Variants in MTTP observed in about 807,000 individuals in gnomAD.
The protein encoded by MTTP is microsomal triglyceride transfer protein, also known as microsomal triglyceride transfer protein large subunit.
In MTTP, 49 loss-of-function variants were observed where a neutral mutation model predicts 90.6. That is an observed-to-expected ratio of 0.54 (90% confidence interval 0.43 to 0.69). MTTP has a LOEUF of 0.69. Among genes scored for constraint, MTTP ranks in the 30% least tolerant of loss-of-function variants. The pLI is 0.00. For synonymous variants in MTTP, 347 were observed against 384.2 expected (o/e 0.90, Z 1.13); for missense variants, 945 against 1,067.5 (o/e 0.89, Z 1.60).
At chr4:99,568,860 A>G (rs1170959242) in intron 1 of MTTP, among the ~76,000 whole-genome samples, 1 of 152,156 alleles carries the variant, frequency 6.6e-6, no homozygotes, top group Non-Finnish European at 1.5e-5. Flanking sequence ...TTAAATATCC[A>G]CAAGTCCTTA....
chr4:99,610,198 T>C (rs574550176), intron 12 of MTTP, among the ~76,000 whole-genome samples: 61 of 152,296 alleles, frequency 4.0e-4, no homozygotes, highest in Non-Finnish European at 7.5e-4. Flanking sequence ...TTGAGGGAAC[T>C]TGTGCCAGTG....
At chr4:99,572,757 A>G (rs549306983), upstream of MTTP, among the ~76,000 whole-genome samples, 33 of 152,236 alleles carry the variant, frequency 2.2e-4, no homozygotes, top group Non-Finnish European at 1.2e-4. Context: ...CAGTAACAGA[A>G]GAGCATACTT....
chr4:99,589,888 A>G (rs571199006), intron 4 of MTTP, 138 bp downstream of exon 4: 28 of 670,980 alleles, frequency 4.2e-5, no homozygotes, highest in Admixed American at 3.9e-4. Flanking sequence ...GCATTTGCCT[A>G]TGAAACAATT....
At chr4:99,577,452 A>C (rs912828682) in intron 1 of MTTP, among the ~76,000 whole-genome samples, 2 of 151,950 alleles carry the variant, frequency 1.3e-5, no homozygotes, top group Non-Finnish European at 2.9e-5. Flanking sequence ...CTAAAAACAC[A>C]AAATTAGCCA....
At chr4:99,583,657 T>A in intron 3 of MTTP, 140 bp downstream of exon 3, 1 of 1,052,224 alleles carries the variant, frequency 9.5e-7, no homozygotes, top group East Asian at 2.5e-5. Flanking sequence ...GAACAGAGGT[T>A]GTAAATTAAA....
At chr4:99,572,816 T>C (rs1724868883), upstream of MTTP, among the ~76,000 whole-genome samples, 1 of 152,130 alleles carries the variant, frequency 6.6e-6, no homozygotes, top group Admixed American at 6.5e-5. Flanking sequence ...GGCATTCTTA[T>C]GTCATCTGTA....
chr4:99,614,959 C>T (rs967461959), intron 15 of MTTP, among the ~76,000 whole-genome samples: 5 of 152,164 alleles, frequency 3.3e-5, no homozygotes, highest in Non-Finnish European at 7.3e-5. Flanking sequence ...AAAAACAGTT[C>T]TCAAATTATA....
chr4:99,620,758 C>A, intron 16 of MTTP: 1 of 333,258 alleles, frequency 3.0e-6, no homozygotes, highest in Non-Finnish European at 5.6e-6. Flanking sequence ...AGAATGTTTT[C>A]ATTTTGGTCT....
chr4:99,610,353 C>G (rs1273368418), intron 12 of MTTP, among the ~76,000 whole-genome samples: 1 of 152,120 alleles, frequency 6.6e-6, no homozygotes, highest in African/African-American at 2.4e-5. Flanking sequence ...GCTGTCATAA[C>G]CCTTCTCATC....
intron 1 of MTTP, among the ~76,000 whole-genome samples, chr4:99,565,633 TA>T (rs1167632713): frequency 2.0e-5 from 3 of 152,224 alleles, no homozygotes; most frequent in African/African-American, 7.2e-5. Flanking sequence ...AAGGAATCCT[TA>T]ATCTAATAGG....
intron 1 of MTTP, among the ~76,000 whole-genome samples, chr4:99,567,985 G>A (rs1724743714): frequency 6.6e-6 from 1 of 151,928 alleles, no homozygotes; most frequent in African/African-American, 2.4e-5. Flanking sequence ...AAAAAAAGTG[G>A]ATGAAAACTG....
chr4:99,582,208 C>T (rs956474502), intron 2 of MTTP, 116 bp downstream of exon 2: 1 of 1,080,342 alleles, frequency 9.3e-7, no homozygotes, highest in Non-Finnish European at 1.4e-6. Context: ...AGTTTCTTAT[C>T]TATCACTAAA....
chr4:99,581,832 A>C, intron 1 of MTTP, 73 bp from the exon 2 acceptor site: 1 of 1,466,884 alleles, frequency 6.8e-7, no homozygotes, highest in Non-Finnish European at 9.6e-7. Flanking sequence ...ACTGTGGTAG[A>C]GAGATGCACT....
rs1560629106 is a variant in MTTP, at chr4:99,623,566, C to G, written c.*718C>G. The G allele has an allele frequency of 2.0e-5, 3 of 152,334 alleles. No homozygotes were observed. Among genetic ancestry groups the G allele is most frequent in the Non-Finnish European group, 4.4e-5 (3 of 68,176 alleles). The allele number at this position is 152,334 out of a possible 1,614,324, so 9.4% of individuals were successfully genotyped here. A position where few individuals can be genotyped will look rare whatever the true frequency, so the allele number is the denominator to read the frequency against. ...AATATTGGACCTAGCACAGAGGAAT[C>G]AGGAAAATTAATTTCAGAAACTCCA... is the stretch of plus-strand genomic sequence containing the variant. On this transcript the variant is annotated 3_prime_UTR_variant, in exon 18 of 18. Transcript: ENST00000265517.
intron 1 of MTTP, among the ~76,000 whole-genome samples, chr4:99,578,444 T>C (rs1725020665): frequency 6.6e-6 from 1 of 152,110 alleles, no homozygotes; most frequent in African/African-American, 2.4e-5. Context: ...GAAATACTTA[T>C]CAAAAAGGAA....
chr4:99,574,932 T>C lies in MTTP; in HGVS notation c.23T>C (p.Phe8Ser). 1 of 1,614,194 alleles carries C rather than the reference T, an allele frequency of 6.2e-7. No individual in the cohort carries two copies. The highest frequency in any genetic ancestry group is 1.1e-5 in the South Asian group (1 of 91,074). The change falls in exon 1 of 18, where the codon TTT becomes TCT. Residue 8 changes from phenylalanine to serine, a missense_variant. Physicochemically the swap from Phe to Ser is radical, Grantham distance 155. Transcript: ENST00000265517. MILLAVL[F>S]LCFISSYSAS... ...AATATGATTCTTCTTGCTGTGCTTT[T>C]TCTCTGCTTCATTTCCTCATATTCA... is the stretch of plus-strand genomic sequence containing the variant.
intron 12 of MTTP, 90 bp downstream of exon 12, chr4:99,609,067 A>C (rs1274721085): frequency 1.6e-6 from 2 of 1,257,480 alleles, no homozygotes; most frequent in Admixed American, 1.7e-5. Context: ...TGATGTGGTC[A>C]TTATGCAGGG....
intron 3 of MTTP, among the ~76,000 whole-genome samples, chr4:99,586,281 C>T (rs752601874): frequency 5.9e-5 from 9 of 152,174 alleles, no homozygotes; most frequent in African/African-American, 1.4e-4. Flanking sequence ...AAGTTGTAAA[C>T]GTGACAGTTA....
At position 99,583,525 on chromosome 4, in the gene MTTP, G is replaced by A; in HGVS notation, c.393+8G>A. 6.2e-7 allele frequency: 1 copy of A among 1,613,416 alleles called. No individual in the cohort carries two copies. Among genetic ancestry groups the A allele is most frequent in the Non-Finnish European group, 8.5e-7 (1 of 1,179,764 alleles). ...CATCTAATCCATGGAAAGGTAAAGG[G>A]GCGTTTAGATTCCACAACTTTTTCT... On this transcript the variant is annotated splice_region_variant and intron_variant, in intron 3 of 17. Coordinates refer to ENST00000265517, the MANE Select transcript of MTTP (RefSeq NM_001386140.1).
Sources: gnomAD v4.1 joint callset for allele counts (sites outside exome capture counted in the v4.1 genomes callset) on GRCh38, gnomAD v4.1.1 for gene constraint, MANE v1.5 for transcripts, NCBI Gene and HGNC (gene_info 2026-07-23, HGNC 2026-07-21) for gene names.